The following TBC1D8 variants were observed in gnomAD, a reference collection of about 807,000 sequenced individuals.
TBC1D8 encodes the protein TBC1 domain family member 8.
A neutral mutation model predicts 118.8 loss-of-function variants in TBC1D8; 65 were observed. That is an observed-to-expected ratio of 0.55 (90% CI 0.45 to 0.67). TBC1D8 has a LOEUF of 0.67. TBC1D8 is among the 30% of genes least tolerant of loss of function. TBC1D8 has a pLI of 0.00. For missense variants in TBC1D8, 1,376 were observed against 1,471.2 expected (o/e 0.94, Z 1.06); for synonymous variants, 566 against 595.8 (o/e 0.95, Z 0.73).
chr2:101,116,527 C>T (rs1001322578), intron 1 of TBC1D8, among the ~76,000 whole-genome samples: 1 of 152,088 alleles, frequency 6.6e-6, no homozygotes, highest in African/African-American at 2.4e-5. Context: ...GCCAACTCGC[C>T]CCTTCCAAAA....
At chr2:101,112,441 G>C (rs1437380901) in intron 1 of TBC1D8, among the ~76,000 whole-genome samples, 14 of 152,196 alleles carry the variant, frequency 9.2e-5, no homozygotes, top group Admixed American at 9.2e-4. Context: ...AAAATGAAAG[G>C]CCAGGGCCAT....
chr2:101,120,940 C>T (rs1218134722), intron 1 of TBC1D8, among the ~76,000 whole-genome samples: 1 of 152,220 alleles, frequency 6.6e-6, no homozygotes, highest in Non-Finnish European at 1.5e-5. Context: ...TACACTACAG[C>T]TGGATGTGTA....
Position 101,083,323 on chromosome 2 carries a change from T to A in TBC1D8, c.283+6886A>T, listed in dbSNP as rs189307225. On this transcript the variant is annotated intron_variant, in intron 2 of 19. Transcript: ENST00000409318. ...AGACAAAAATCAAGTCAAAGGAGAG[T>A]TGGTGACAAGTGAGTGCCAGGATGG... is the stretch of plus-strand genomic sequence containing the variant. Among the ~76,000 whole-genome samples, 257 of 151,906 alleles carry A rather than the reference T, an allele frequency of 1.7e-3. 3 individuals are homozygous for A. Among genetic ancestry groups the A allele is most frequent in the East Asian group, 3.7e-3 (19 of 5,160 alleles).
chr2:101,063,211 T>C (rs1322699230), intron 2 of TBC1D8, among the ~76,000 whole-genome samples: 4 of 152,304 alleles, frequency 2.6e-5, no homozygotes, highest in African/African-American at 9.6e-5. Context: ...TAAATTATCA[T>C]CAAGCTCCAA....
At chr2:101,038,439 T>C in intron 7 of TBC1D8, 22 bp downstream of exon 7, 1 of 1,605,246 alleles carries the variant, frequency 6.2e-7, no homozygotes, top group South Asian at 1.1e-5. Flanking sequence ...AAGGGGATCA[T>C]CAGGGTCTGG....
intron 5 of TBC1D8, among the ~76,000 whole-genome samples, chr2:101,046,638 G>A (rs6728514): frequency 0.014 from 2,103 of 152,136 alleles, 61 homozygotes; most frequent in African/African-American, 0.048. Flanking sequence ...ACACAAAAGC[G>A]GTCCTAGTGG....
At position 101,050,468 on chromosome 2, in the gene TBC1D8, T is replaced by C; in HGVS notation, c.805A>G (p.Arg269Gly). The C allele has an allele frequency of 6.2e-7, 1 of 1,613,926 alleles. No individual in the cohort carries two copies. The highest frequency in any genetic ancestry group is 1.1e-5 in the South Asian group (1 of 91,074). The change falls in exon 5 of 20, where the codon AGG becomes GGG. Residue 269 changes from arginine to glycine, a missense_variant. Transcript: ENST00000409318. Reference protein sequence around the residue: ...MEQLADVTLRRLLDNEVFDLD... With the variant: ...MEQLADVTLRGLLDNEVFDLD... ...TCAAAGACCTCATTATCCAGCAGCCTTCGCAGCGTCACGTCGGCCAGCTGC... is the reference window on the plus strand; with the variant it reads ...TCAAAGACCTCATTATCCAGCAGCCCTCGCAGCGTCACGTCGGCCAGCTGC...
At chr2:101,082,375 G>A (rs998409311) in intron 2 of TBC1D8, among the ~76,000 whole-genome samples, 6 of 152,118 alleles carry the variant, frequency 3.9e-5, no homozygotes, top group Admixed American at 6.5e-5. Flanking sequence ...GGCTCTGCAC[G>A]AGATAGGCAT....
At chr2:101,093,663 C>T (rs1466960582) in intron 1 of TBC1D8, among the ~76,000 whole-genome samples, 2 of 151,850 alleles carry the variant, frequency 1.3e-5, no homozygotes, top group Non-Finnish European at 2.9e-5. Flanking sequence ...TGCAGTGAGC[C>T]AAGATCACAC....
intron 1 of TBC1D8, among the ~76,000 whole-genome samples, chr2:101,094,387 C>T (rs775223200): frequency 6.6e-6 from 1 of 152,160 alleles, no homozygotes; most frequent in Admixed American, 6.5e-5. Context: ...ACAACCTTTG[C>T]CTGTCAAGGA....
chr2:101,047,060 T>C (rs1422818544), intron 5 of TBC1D8, among the ~76,000 whole-genome samples: 1 of 152,250 alleles, frequency 6.6e-6, no homozygotes, highest in African/African-American at 2.4e-5. Flanking sequence ...ATGGTCTTTT[T>C]TCCTTTCCGC....
At chr2:101,021,949 T>C (rs1483702965) in intron 16 of TBC1D8, among the ~76,000 whole-genome samples, 1 of 152,186 alleles carries the variant, frequency 6.6e-6, no homozygotes, top group East Asian at 1.9e-4. Flanking sequence ...TTTGTGAATG[T>C]TGTCTGGCCT....
intron 2 of TBC1D8, among the ~76,000 whole-genome samples, chr2:101,062,575 G>A (rs1390097169): frequency 6.6e-6 from 1 of 152,124 alleles, no homozygotes; most frequent in Non-Finnish European, 1.5e-5. Flanking sequence ...GGCAAACCAG[G>A]GCATGAAATG....
At chr2:101,050,790 A>T (rs1236868725) in intron 4 of TBC1D8, 149 bp from the exon 5 acceptor site, 1 of 958,690 alleles carries the variant, frequency 1.0e-6, no homozygotes, top group Non-Finnish European at 1.5e-6. Context: ...ACAGGGATAC[A>T]CGTGCAGGTT....
intron 18 of TBC1D8, 167 bp from the exon 19 acceptor site, chr2:101,011,193 T>C: frequency 1.4e-6 from 1 of 723,848 alleles, no homozygotes; most frequent in Non-Finnish European, 2.2e-6. Context: ...GGGTGGTAAC[T>C]GGGGGACTTC....
chr2:101,022,378 G>A lies in TBC1D8; in HGVS notation c.2664C>T (p.Cys888=), dbSNP rs779674007. 5.6e-6 allele frequency: 9 copies of A among 1,613,480 alleles called. No homozygotes were observed. Among genetic ancestry groups the A allele is most frequent in the Admixed American group, 1.7e-5 (1 of 59,810 alleles). The change falls in exon 16 of 20, where the codon TGC becomes TGT. Residue 888 remains cysteine, a synonymous_variant. Transcript: ENST00000409318. ...CGGCGAGGATCTCCGTGTGGGCCCCGCAGGTCCAGGGCGAGACTAGCTGAA... is the reference window on the plus strand; with the variant it reads ...CGGCGAGGATCTCCGTGTGGGCCCCACAGGTCCAGGGCGAGACTAGCTGAA... ...HLFQLVSPWT[C]GAHTEILAER...
At chr2:101,020,411 A>G (rs1204105775) in intron 17 of TBC1D8, among the ~76,000 whole-genome samples, 2 of 152,236 alleles carry the variant, frequency 1.3e-5, no homozygotes, top group Admixed American at 6.5e-5. Flanking sequence ...AAAAATAAGG[A>G]TAAATTAAAA....
rs1224905719 is a variant in TBC1D8 at position 101,007,588 on chromosome 2, T to C, written c.*233A>G. The C allele has an allele frequency of 1.6e-5, 8 of 513,488 alleles. No homozygotes were observed. Among genetic ancestry groups the C allele is most frequent in the Middle Eastern group, 5.0e-4 (1 of 1,982 alleles). 31.8% of individuals were successfully genotyped at this position (513,488 alleles called of 1,614,324 possible). Reference sequence around the variant, plus strand: ...CCCATTTCAGCAAATCCGGTAAAAATTGTAAGTTGGCATCAAGGGAACCAA... The same window carrying C: ...CCCATTTCAGCAAATCCGGTAAAAACTGTAAGTTGGCATCAAGGGAACCAA... On this transcript the variant is annotated 3_prime_UTR_variant, in exon 20 of 20. Transcript: ENST00000409318.
chr2:101,078,435 C>G (rs1395211844), intron 2 of TBC1D8, among the ~76,000 whole-genome samples: 1 of 152,048 alleles, frequency 6.6e-6, no homozygotes, highest in East Asian at 1.9e-4. Flanking sequence ...AGTCCAGGGA[C>G]AACAAGGAAT....
Sources: gnomAD v4.1 joint callset for allele counts (sites outside exome capture counted in the v4.1 genomes callset) on GRCh38, gnomAD v4.1.1 for gene constraint, MANE v1.5 for transcripts, NCBI Gene and HGNC (gene_info 2026-07-23, HGNC 2026-07-21) for gene names.